Variants in PDCD2 observed in about 807,000 individuals in gnomAD.
PDCD2 encodes uS5 assembly chaperone PDCD2.
In PDCD2, 38 loss-of-function variants were observed where a neutral mutation model predicts 38.1. The observed-to-expected ratio is 1.00, with a 90% confidence interval of 0.77 to 1.31. The LOEUF is 1.31. Among genes scored for constraint, PDCD2 ranks in the 50% most tolerant of loss-of-function variants. PDCD2 has a pLI of 0.00. For synonymous variants in PDCD2, 205 were observed against 168.9 expected, an observed-to-expected ratio of 1.21 and a Z score of -1.66; for missense variants, 473 against 435.7, an observed-to-expected ratio of 1.09 and a Z score of -0.76.
At position 170,583,514 on chromosome 6, in the gene PDCD2, C is replaced by T. The variant is rs1228389140; in HGVS notation, c.517G>A (p.Ala173Thr). The change falls in exon 2 of 6, where the codon GCA (alanine) becomes ACA (threonine). Residue 173 changes from alanine to threonine, a missense_variant. Transcript: ENST00000541970. ...DWRLGHKQAC[A>T]QPDHLDHIIP... ...AAAAAAGATTACCCACCTGGTTGTG[C>T]ACAAGCCTGCTTATGTCCCAATCTC... 6.2e-7 allele frequency: 1 copy of T among 1,608,788 alleles called. No homozygotes were observed. Among genetic ancestry groups the T allele is most frequent in the Non-Finnish European group, 8.5e-7 (1 of 1,175,916 alleles).
At chr6:170,584,089 A>G (rs1779723734) in intron 1 of PDCD2, 2 of 506,468 alleles carry the variant, frequency 3.9e-6, no homozygotes, top group Non-Finnish European at 6.6e-6. Context: ...GGGGTTACCA[A>G]TGCGCGTGGG....
rs146584618 is a variant in PDCD2 at position 170,584,176 on chromosome 6, G to C, written c.283+123C>G. On this transcript the variant is annotated intron_variant, in intron 1 of 5. Coordinates refer to ENST00000541970, the MANE Select transcript of PDCD2 (RefSeq NM_002598.4). ...GAGAAGGTGCTCCTGGGGCAGCGCG[G>C]AGAGGGAGCTCTGAGGCTGGGGCGG... The C allele has an allele frequency of 2.7e-3, 2,999 of 1,090,546 alleles. 44 individuals are homozygous for C. In the African/African-American group the frequency reaches 0.037, roughly 13 times the overall value. 67.6% of individuals were successfully genotyped at this position (1,090,546 alleles called of 1,614,324 possible).
At chr6:170,583,832 A>ACTC (rs17875293) in intron 1 of PDCD2, 85 bp from the exon 2 acceptor site, 36 of 925,466 alleles carry the variant, frequency 3.9e-5, no homozygotes, top group Admixed American at 7.0e-5. Flanking sequence ...AACTGAAAAT[A>ACTC]ACAACAACAA....
Position 170,578,741 on chromosome 6 carries a change from G to A in PDCD2, c.876+116C>T, listed in dbSNP as rs904082521. 3 of 747,780 alleles carry A rather than the reference G, an allele frequency of 4.0e-6. No homozygotes were observed. The East Asian group carries it at 7.5e-5, about 19-fold the overall frequency. The allele number at this position is 747,780 out of a possible 1,614,324, so 46.3% of individuals were successfully genotyped here. A position where few individuals can be genotyped will look rare whatever the true frequency, so the allele number is the denominator to read the frequency against. On this transcript the variant is annotated intron_variant, in intron 5 of 5. Coordinates refer to ENST00000541970, the MANE Select transcript of PDCD2 (RefSeq NM_002598.4). The stretch of plus-strand genomic sequence containing the variant: ...GGAAACTGATGATTTTCATTATAGG[G>A]TACCCTTCCATACTGCCATGTTGAC...
rs759540809 is a variant in PDCD2 at position 170,583,498 on chromosome 6, T to G, written c.526+7A>C. 2 of 1,597,608 alleles carry G rather than the reference T, an allele frequency of 1.3e-6. No individual in the cohort carries two copies. Among genetic ancestry groups the G allele is most frequent in the Non-Finnish European group, 1.7e-6 (2 of 1,168,720 alleles). On this transcript the variant is annotated splice_region_variant and intron_variant, in intron 2 of 5. Transcript: ENST00000541970. ...CTGAACTGAGACTTAAAAAAAAGAT[T>G]ACCCACCTGGTTGTGCACAAGCCTG... is the stretch of plus-strand genomic sequence containing the variant.
At position 170,584,381 on chromosome 6, in the gene PDCD2, C is replaced by G. The variant is rs1008033526; in HGVS notation, c.201G>C (p.Pro67=). Reference sequence around the variant, plus strand: ...GGAAGGCGTCCGGGCGGCCAGGCAGCGGCGCATACACCTGCAGCAGGAAGG... The same window carrying G: ...GGAAGGCGTCCGGGCGGCCAGGCAGGGGCGCATACACCTGCAGCAGGAAGG... ...PLSFLLQVYA[P]LPGRPDAFHR... is the part of the protein sequence containing the mutation. The change falls in exon 1 of 6, where the codon CCG becomes CCC. Residue 67 remains proline (P), a synonymous_variant. Transcript: ENST00000541970. The G allele has an allele frequency of 6.7e-7, 1 of 1,485,200 alleles. No homozygotes were observed. 92.0% of individuals were successfully genotyped at this position (1,485,200 alleles called of 1,614,324 possible).
chr6:170,577,464 A>G lies in PDCD2; in HGVS notation c.*95T>C. On this transcript the variant is annotated 3_prime_UTR_variant, in exon 6 of 6. Coordinates refer to ENST00000541970, the MANE Select transcript of PDCD2 (RefSeq NM_002598.4). ...AATCTGTCAACATCTCTGCACCTCT[A>G]TTTTTGGTATAAGTATTTCCTTAGG... 2.8e-6 allele frequency: 3 copies of G among 1,058,284 alleles called. No individual in the cohort carries two copies. Among genetic ancestry groups the G allele is most frequent in the Non-Finnish European group, 4.1e-6 (3 of 725,236 alleles). The allele number at this position is 1,058,284 out of a possible 1,614,324, so 65.6% of individuals were successfully genotyped here.
At chr6:170,584,056 T>C (rs1779721697) in intron 1 of PDCD2, 1 of 503,484 alleles carries the variant, frequency 2.0e-6, no homozygotes, top group Non-Finnish European at 3.4e-6. Context: ...ACACCATACC[T>C]GGTACCCACT....
Position 170,577,522 on chromosome 6 carries a change from A to G in PDCD2, c.*37T>C. 1 of 1,567,480 alleles carries G rather than the reference A, an allele frequency of 6.4e-7. No homozygotes were observed. ...CCCAGAAATGGAATTGCAAGGTATA[A>G]AAGATTATTAACATTTTTCAAGGCT... On this transcript the variant is annotated 3_prime_UTR_variant, in exon 6 of 6. Transcript: ENST00000541970.
At position 170,584,548 on chromosome 6, in the gene PDCD2, C is replaced by G; in HGVS notation, c.34G>C (p.Gly12Arg). The G allele has an allele frequency of 2.2e-6, 3 of 1,357,670 alleles. No homozygotes were observed. The highest frequency in any genetic ancestry group is 2.8e-6 in the Non-Finnish European group (3 of 1,057,480). The allele number at this position is 1,357,670 out of a possible 1,614,324, so 84.1% of individuals were successfully genotyped here. ...AAAGARPVEL[G>R]FAESAPAWRL... ...CACGCCGGCGCCGACTCGGCGAAGC[C>G]CAGCTCCACAGGCCTGGCCCCGGCG... The change falls in exon 1 of 6, where the codon GGC (glycine) becomes CGC (arginine). Residue 12 changes from glycine to arginine, a missense_variant. Physicochemically the swap from Gly to Arg is moderately radical, Grantham distance 125. Coordinates refer to ENST00000541970, the MANE Select transcript of PDCD2 (RefSeq NM_002598.4).
rs565807100 is a variant in PDCD2 at position 170,575,514 on chromosome 6, A to T, written c.*2045T>A. On this transcript the variant is annotated 3_prime_UTR_variant, in exon 6 of 6. Transcript: ENST00000541970. The stretch of plus-strand genomic sequence containing the variant: ...GACTGGCACCGTCTGTGGAGCCATG[A>T]TTATGTAGGTGAGACTTGCTCATTA... 1 of 152,318 alleles carries T rather than the reference A, an allele frequency of 6.6e-6. No individual in the cohort carries two copies. Among genetic ancestry groups the T allele is most frequent in the East Asian group, 1.9e-4 (1 of 5,182 alleles). 9.4% of individuals were successfully genotyped at this position (152,318 alleles called of 1,614,324 possible). A position where few individuals can be genotyped will look rare whatever the true frequency, so the allele number is the denominator to read the frequency against.
intron 3 of PDCD2, among the ~76,000 whole-genome samples, chr6:170,580,556 A>G (rs140533913): frequency 2.6e-5 from 4 of 152,284 alleles, no homozygotes; most frequent in Non-Finnish European, 5.9e-5. Flanking sequence ...ATCTACTAAA[A>G]ATATAAAAAT....
intron 5 of PDCD2, 125 bp from the exon 6 acceptor site, chr6:170,577,842 CATT>C (rs1779486607): frequency 1.3e-6 from 1 of 777,448 alleles, no homozygotes; most frequent in African/African-American, 1.7e-5. Flanking sequence ...GGATTATAGA[CATT>C]ATACAATTAA....
intron 3 of PDCD2, chr6:170,582,624 C>A: frequency 7.9e-7 from 1 of 1,258,942 alleles, no homozygotes; most frequent in Non-Finnish European, 1.0e-6. Context: ...TTGGTCAGCA[C>A]AAGTACTACC....
chr6:170,578,916 G>T lies in PDCD2; in HGVS notation c.817C>A (p.Pro273Thr). The T allele has an allele frequency of 6.2e-7, 1 of 1,605,866 alleles. No homozygotes were observed. Among genetic ancestry groups the T allele is most frequent in the East Asian group, 2.2e-5 (1 of 44,846 alleles). ...CAATCTGGAATATCCTTTTCTTGAG[G>T]AATATTTTCACCAGAAATCCAGATG... ...APIWISGENI[P>T]QEKDIPDCPC... Residue 273 changes from proline (P) to threonine (T), a missense_variant, in exon 5 of 6, where the codon CCT (proline) becomes ACT (threonine). Transcript: ENST00000541970.
chr6:170,577,354 C>G lies in PDCD2; in HGVS notation c.*205G>C. 2 of 530,008 alleles carry G rather than the reference C, an allele frequency of 3.8e-6. No homozygotes were observed. Among genetic ancestry groups the G allele is most frequent in the Admixed American group, 3.2e-5 (1 of 31,518 alleles). The allele number at this position is 530,008 out of a possible 1,614,324, so 32.8% of individuals were successfully genotyped here. On this transcript the variant is annotated 3_prime_UTR_variant, in exon 6 of 6. Coordinates refer to ENST00000541970, the MANE Select transcript of PDCD2 (RefSeq NM_002598.4). ...AGGTGTTATAATTAAGACTGTGTAG[C>G]CTTCCTCTGTGGATGTACCAAAATT... is the stretch of plus-strand genomic sequence containing the variant.
Position 170,583,701 on chromosome 6 carries a change from C to T in PDCD2, c.330G>A (p.Glu110=). The change falls in exon 2 of 6, where the codon GAG becomes GAA. Residue 110 remains glutamate (E), a synonymous_variant. Transcript: ENST00000541970. The stretch of plus-strand genomic sequence containing the variant: ...CTGGGGGAGGATTCTCAGAAGGTGG[C>T]TCATATGAGTAAAAATCGTTTTTCC... ...LPRKNDFYSY[E]PPSENPPPET... 6.2e-7 allele frequency: 1 copy of T among 1,613,254 alleles called. No individual in the cohort carries two copies.
intron 3 of PDCD2, among the ~76,000 whole-genome samples, chr6:170,580,775 CCA>C (rs1779572933): frequency 6.6e-6 from 1 of 152,168 alleles, no homozygotes; most frequent in Non-Finnish European, 1.5e-5. Context: ...CCACCCTAAG[CCA>C]CTGCTGTCCC....
chr6:170,580,124 T>C lies in PDCD2; in HGVS notation c.659-19A>G. The C allele has an allele frequency of 6.8e-7, 1 of 1,473,672 alleles. No homozygotes were observed. Among genetic ancestry groups the C allele is most frequent in the Non-Finnish European group, 9.5e-7 (1 of 1,055,588 alleles). 91.3% of individuals were successfully genotyped at this position (1,473,672 alleles called of 1,614,324 possible). A position where few individuals can be genotyped will look rare whatever the true frequency, so the allele number is the denominator to read the frequency against. On this transcript the variant is annotated intron_variant, in intron 3 of 5. Transcript: ENST00000541970. ...GCTTCACCTGAAAAATCAACGTAACTATTATGAAAAACAGGAGTAATCCCC... is the reference window on the plus strand; with the variant it reads ...GCTTCACCTGAAAAATCAACGTAACCATTATGAAAAACAGGAGTAATCCCC...
Sources: gnomAD v4.1 joint callset for allele counts (sites outside exome capture counted in the v4.1 genomes callset) on GRCh38, gnomAD v4.1.1 for gene constraint, MANE v1.5 for transcripts, NCBI Gene and HGNC (gene_info 2026-07-23, HGNC 2026-07-21) for gene names.